Variants in CAST observed in about 807,000 individuals in gnomAD.
The protein encoded by CAST is calpastatin.
In CAST, 76 loss-of-function variants were observed where a neutral mutation model predicts 119.6. The ratio of observed to expected loss-of-function variants is 0.64; its 90% CI spans 0.53 to 0.77. The LOEUF (loss-of-function observed/expected upper bound fraction) is 0.77, where lower values mean the gene tolerates loss of function less well. CAST is among the 30% of genes least tolerant of loss of function. The pLI, the probability that CAST is intolerant of heterozygous loss-of-function variation, is 0.00. For missense variants in CAST, 953 were observed against 946.5 expected (o/e 1.01, Z -0.09); for synonymous variants, 319 against 331.6 (o/e 0.96, Z 0.41).
At chr5:96,754,609 T>C (rs1382095804) in intron 21 of CAST, 49 bp from the exon 22 acceptor site, 2 of 1,110,958 alleles carry the variant, frequency 1.8e-6, no homozygotes, top group Non-Finnish European at 2.7e-6. Context: ...ATGAATTTTA[T>C]GGAGAGAAAA....
the CAST span, among the ~76,000 whole-genome samples, chr5:96,374,372 T>G: frequency 6.6e-6 from 1 of 152,088 alleles, no homozygotes; most frequent in Non-Finnish European, 1.5e-5. Context: ...AAGAAAACCT[T>G]GATATGCCCA....
the CAST span, among the ~76,000 whole-genome samples, chr5:96,405,404 C>T: frequency 6.6e-6 from 1 of 152,138 alleles, no homozygotes; most frequent in Non-Finnish European, 1.5e-5. Flanking sequence ...TGGAACCCAT[C>T]TGAGTGTTTC....
At chr5:95,973,668 C>A in the CAST span, among the ~76,000 whole-genome samples, 1 of 152,176 alleles carries the variant, frequency 6.6e-6, no homozygotes, top group Middle Eastern at 3.2e-3. Context: ...TTTCTGCACT[C>A]TATGCTACAT....
At chr5:96,169,956 A>C in the CAST span, among the ~76,000 whole-genome samples, 1 of 152,204 alleles carries the variant, frequency 6.6e-6, no homozygotes, top group Non-Finnish European at 1.5e-5. Context: ...TAAGAGGTTT[A>C]GAAGCCTGGC....
chr5:96,766,066 C>G lies in CAST; in HGVS notation c.2051C>G (p.Ala684Gly). The G allele has an allele frequency of 6.2e-7, 1 of 1,600,694 alleles. No individual in the cohort carries two copies. The highest frequency in any genetic ancestry group is 1.1e-5 in the South Asian group (1 of 90,378). Reference protein sequence around the residue: ...MEDKVKEKAKAEHRDKLGERD... With the variant: ...MEDKVKEKAKGEHRDKLGERD... ...CTGTTGATATAGGAAAAAGCTAAAG[C>G]TGAACATAGAGACAAGCTTGGAGAA... The change falls in exon 27 of 32, where the codon GCT (alanine) becomes GGT (glycine). Residue 684 changes from alanine to glycine, a missense_variant. Coordinates refer to ENST00000675179, the MANE Select transcript of CAST (RefSeq NM_001750.7).
intron 3 of CAST, among the ~76,000 whole-genome samples, chr5:96,704,271 A>G (rs1446777034): frequency 6.6e-6 from 1 of 152,250 alleles, no homozygotes; most frequent in Non-Finnish European, 1.5e-5. Flanking sequence ...GAAGAGTCCG[A>G]ATGCCAGAGA....
chr5:96,663,641 A>C (rs1394247604), intron 1 of CAST, among the ~76,000 whole-genome samples: 1 of 152,208 alleles, frequency 6.6e-6, no homozygotes, highest in Non-Finnish European at 1.5e-5. Context: ...ATGTGAGGCA[A>C]GGAGAAAATC....
chr5:96,634,524 G>A (rs1238092803), intron 1 of CAST, among the ~76,000 whole-genome samples: 5 of 152,126 alleles, frequency 3.3e-5, no homozygotes, highest in Admixed American at 3.3e-4. Flanking sequence ...CTTGACATAG[G>A]GGACCAGAGA....
the CAST span, chr5:96,050,215 A>C: frequency 3.9e-5 from 6 of 152,418 alleles, no homozygotes; most frequent in African/African-American, 1.4e-4. Context: ...AGAAGTGGAC[A>C]TGAGGTTGAA....
chr5:96,361,321 C>A, the CAST span, among the ~76,000 whole-genome samples: 1 of 152,088 alleles, frequency 6.6e-6, no homozygotes, highest in East Asian at 1.9e-4. Flanking sequence ...GTTTCGGCCC[C>A]CTTTCCAGGG....
At chr5:96,314,037 C>T in the CAST span, among the ~76,000 whole-genome samples, 1 of 152,164 alleles carries the variant, frequency 6.6e-6, no homozygotes, top group African/African-American at 2.4e-5. Flanking sequence ...CCCAAATATA[C>T]ATGGCTTCTG....
intron 1 of CAST, among the ~76,000 whole-genome samples, chr5:96,567,704 A>G (rs1746495812): frequency 6.6e-6 from 1 of 152,172 alleles, no homozygotes; most frequent in Non-Finnish European, 1.5e-5. Context: ...ATAGATGCCC[A>G]TAGTACATTT....
At chr5:96,517,373 G>A in the CAST span, among the ~76,000 whole-genome samples, 1 of 152,230 alleles carries the variant, frequency 6.6e-6, no homozygotes, top group East Asian at 1.9e-4. Context: ...GCATGGCTTA[G>A]GCTGATAAAT....
the CAST span, among the ~76,000 whole-genome samples, chr5:96,206,381 G>A: frequency 1.3e-5 from 2 of 151,926 alleles, no homozygotes; most frequent in Middle Eastern, 3.2e-3. Flanking sequence ...CTCTGCCAAG[G>A]CCTATGTCTA....
chr5:96,497,806 C>T, the CAST span, among the ~76,000 whole-genome samples: 1 of 152,094 alleles, frequency 6.6e-6, no homozygotes, highest in Admixed American at 6.6e-5. Flanking sequence ...TCCCCTTCTG[C>T]AGGTTGCCTG....
At chr5:96,240,361 GCA>G in the CAST span, among the ~76,000 whole-genome samples, 1 of 152,146 alleles carries the variant, frequency 6.6e-6, no homozygotes, top group Admixed American at 6.5e-5. Flanking sequence ...TGTTGACTGT[GCA>G]CAGTTTTCTC....
chr5:96,533,683 A>G (rs1745733301), intron 1 of CAST, among the ~76,000 whole-genome samples: 1 of 152,204 alleles, frequency 6.6e-6, no homozygotes, highest in Non-Finnish European at 1.5e-5. Context: ...ACAAAATGCC[A>G]CTTTTCATTC....
the CAST span, among the ~76,000 whole-genome samples, chr5:96,350,245 A>G: frequency 4.3e-4 from 66 of 152,310 alleles, 1 homozygote; most frequent in East Asian, 0.012. Flanking sequence ...GTGTGTGTAG[A>G]TAAGAGACAA....
chr5:96,403,500 AGCTGCTAACAACAGT>A, the CAST span, among the ~76,000 whole-genome samples: 1 of 152,182 alleles, frequency 6.6e-6, no homozygotes, highest in African/African-American at 2.4e-5. Flanking sequence ...AATGAAAAGG[AGCTGCTAACAACAGT>A]GCAACTCATT....
Sources: gnomAD v4.1 joint callset for allele counts (sites outside exome capture counted in the v4.1 genomes callset) on GRCh38, gnomAD v4.1.1 for gene constraint, MANE v1.5 for transcripts, NCBI Gene and HGNC (gene_info 2026-07-23, HGNC 2026-07-21) for gene names.